HIVEP2: variants seen among roughly 807,000 people sequenced by gnomAD.
The protein encoded by HIVEP2 is HIVEP zinc finger 2.
In HIVEP2, 14 loss-of-function variants were observed where a neutral mutation model predicts 180.7. That is an observed-to-expected ratio of 0.08 (90% CI 0.05 to 0.12). The LOEUF (loss-of-function observed/expected upper bound fraction) is 0.12. Among genes scored for constraint, HIVEP2 ranks in the 10% least tolerant of loss-of-function variants. The pLI is 1.00. For missense variants in HIVEP2, 2,579 were observed against 3,008.5 expected (o/e 0.86, Z 3.34); for synonymous variants, 1,184 against 1,136.4 (o/e 1.04, Z -0.84).
chr6:142,846,159 G>A (rs2114910519), intron 1 of HIVEP2, among the ~76,000 whole-genome samples: 1 of 152,292 alleles, frequency 6.6e-6, no homozygotes, highest in Middle Eastern at 3.4e-3. Context: ...GGAGTGTGTT[G>A]CCTTAGGACA....
chr6:142,916,631 T>C (rs529645882), intron 1 of HIVEP2, among the ~76,000 whole-genome samples: 1 of 152,330 alleles, frequency 6.6e-6, no homozygotes, highest in South Asian at 2.1e-4. Context: ...GAAGCTCTCC[T>C]GTTCTCCTCT....
At position 142,753,762 on chromosome 6, in the gene HIVEP2, A is replaced by G; in HGVS notation, c.6686T>C (p.Val2229Ala). The G allele has an allele frequency of 1.2e-6, 2 of 1,614,162 alleles. No homozygotes were observed. The highest frequency in any genetic ancestry group is 1.7e-6 in the Non-Finnish European group (2 of 1,180,012). ...AACCATCTGGATCCCACCAACGGGC[A>G]CCATGGGGATAGGGGCTCGCACTTG... ...QQQVRAPIPM[V>A]PVGGIQMVHS... is the part of the protein sequence containing the mutation. The change falls in exon 10 of 10, where the codon GTG (valine) becomes GCG (alanine). Residue 2229 changes from valine (V) to alanine (A), a missense_variant. By Grantham distance (64) the Val-to-Ala change is moderately conservative. Around this residue, in one of 11 missense-constraint regions of HIVEP2, gnomAD observed 660 missense variants for 731.7 expected, o/e 0.90. Coordinates refer to ENST00000367603, the MANE Select transcript of HIVEP2 (RefSeq NM_006734.4).
chr6:142,779,213 C>T (rs2114681409), intron 3 of HIVEP2, among the ~76,000 whole-genome samples: 1 of 152,180 alleles, frequency 6.6e-6, no homozygotes, highest in Non-Finnish European at 1.5e-5. Flanking sequence ...AGCCACTGTG[C>T]CCAGCTTGGA....
rs4896607 is a variant in HIVEP2 at position 142,937,741 on chromosome 6, G to T, written c.-641+7358C>A. Among the ~76,000 whole-genome samples, 6 of 152,156 alleles carry T rather than the reference G, an allele frequency of 3.9e-5. No homozygotes were observed. In the East Asian group the frequency reaches 1.2e-3, roughly 29 times the overall value. Reference sequence around the variant, plus strand: ...TTTCGGAGCCAAAGAACCCTGAGTTGGAATCCTGCTTCACCAATGACTAGC... The same window carrying T: ...TTTCGGAGCCAAAGAACCCTGAGTTTGAATCCTGCTTCACCAATGACTAGC... On this transcript the variant is annotated intron_variant, in intron 1 of 9. Transcript: ENST00000367603.
chr6:142,764,759 T>C (rs370467838), intron 7 of HIVEP2, 40 bp downstream of exon 7: 6 of 1,480,392 alleles, frequency 4.1e-6, no homozygotes, highest in Non-Finnish European at 1.9e-6. Context: ...TAAGTAGCCA[T>C]AGAGAAGTAT....
intron 1 of HIVEP2, among the ~76,000 whole-genome samples, chr6:142,855,586 G>C (rs1775799153): frequency 6.6e-6 from 1 of 152,160 alleles, no homozygotes; most frequent in African/African-American, 2.4e-5. Flanking sequence ...CCACGTGGTA[G>C]AAACCAAAAT....
intron 1 of HIVEP2, among the ~76,000 whole-genome samples, chr6:142,895,772 A>G (rs193287339): frequency 6.6e-6 from 1 of 152,340 alleles, no homozygotes; most frequent in Admixed American, 6.5e-5. Context: ...AAACACAACT[A>G]GAGAATAGAG....
intron 1 of HIVEP2, among the ~76,000 whole-genome samples, chr6:142,920,574 T>C (rs563439695): frequency 6.6e-6 from 1 of 152,324 alleles, no homozygotes; most frequent in African/African-American, 2.4e-5. Context: ...AACTGGGTTA[T>C]CACATAGGTA....
intron 2 of HIVEP2, among the ~76,000 whole-genome samples, chr6:142,833,811 A>G (rs1469642205): frequency 6.6e-6 from 1 of 152,226 alleles, no homozygotes. Flanking sequence ...AGGAGGCCAG[A>G]AGAAATGTAG....
intron 2 of HIVEP2, among the ~76,000 whole-genome samples, chr6:142,794,609 T>C (rs959223957): frequency 1.3e-5 from 2 of 152,206 alleles, no homozygotes; most frequent in Non-Finnish European, 1.5e-5. Context: ...GGTCAAATTA[T>C]ATTATCTTTG....
At chr6:142,876,856 T>TCA (rs10548517) in intron 1 of HIVEP2, among the ~76,000 whole-genome samples, 15,161 of 149,610 alleles carry the variant, frequency 0.1, 814 homozygotes, top group East Asian at 0.17. Context: ...AATCCCATCT[T>TCA]CACACACACA....
intron 2 of HIVEP2, among the ~76,000 whole-genome samples, chr6:142,825,496 T>G (rs1335407954): frequency 6.6e-6 from 1 of 152,174 alleles, no homozygotes; most frequent in African/African-American, 2.4e-5. Flanking sequence ...CTCACATTGT[T>G]GCCATGATAT....
At chr6:142,906,290 G>A (rs1412656329) in intron 1 of HIVEP2, among the ~76,000 whole-genome samples, 2 of 151,834 alleles carry the variant, frequency 1.3e-5, no homozygotes, top group South Asian at 2.1e-4. Context: ...ATAACAAAAC[G>A]AGAATTAAAT....
In HIVEP2 at chr6:142,770,074, C is replaced by A; in HGVS notation, c.4665G>T (p.Lys1555Asn). 6.2e-7 allele frequency: 1 copy of A among 1,614,226 alleles called. No homozygotes were observed. The highest frequency in any genetic ancestry group is 8.5e-7 in the Non-Finnish European group (1 of 1,180,036). The change falls in exon 5 of 10, where the codon AAG (lysine) becomes AAT (asparagine). Residue 1555 changes from lysine (K) to asparagine (N), a missense_variant. Coordinates refer to ENST00000367603, the MANE Select transcript of HIVEP2 (RefSeq NM_006734.4). The surrounding 1 kb of genome is among the most constrained non-coding windows in gnomAD (Gnocchi z 4.7). ...SGSRAPLPGQ[K>N]SSGPSESKES... ...CTTTGCTTTCAGAAGGCCCACTGGA[C>A]TTCTGCCCCGGAAGTGGTGCCCGGG...
At chr6:142,875,096 T>C (rs1776397810) in intron 1 of HIVEP2, among the ~76,000 whole-genome samples, 1 of 152,066 alleles carries the variant, frequency 6.6e-6, no homozygotes, top group Admixed American at 6.6e-5. Flanking sequence ...AAAAATGCAA[T>C]AAAAACTGAA....
chr6:142,813,410 T>C (rs1285904249), intron 2 of HIVEP2, among the ~76,000 whole-genome samples: 3 of 152,192 alleles, frequency 2.0e-5, no homozygotes, highest in East Asian at 1.9e-4. Flanking sequence ...TTCACACTTA[T>C]GATTTTATTA....
At chr6:142,824,141 A>G (rs910322572) in intron 2 of HIVEP2, among the ~76,000 whole-genome samples, 3 of 152,170 alleles carry the variant, frequency 2.0e-5, no homozygotes, top group Admixed American at 6.5e-5. Flanking sequence ...TTGACACCTT[A>G]GTATATATAA....
chr6:142,913,308 A>G (rs1405943674), intron 1 of HIVEP2, among the ~76,000 whole-genome samples: 1 of 152,196 alleles, frequency 6.6e-6, no homozygotes, highest in Non-Finnish European at 1.5e-5. Context: ...CCTTCATGCT[A>G]TCATTTGGAT....
chr6:142,756,796 CTTATCTATCTAT>C (rs908920057), intron 9 of HIVEP2, among the ~76,000 whole-genome samples: 1 of 142,276 alleles, frequency 7.0e-6, no homozygotes, highest in Non-Finnish European at 1.5e-5. Flanking sequence ...TAAAAGATAC[CTTATCTATCTAT>C]CTATCTATCT....
Sources: gnomAD v4.1 joint callset for allele counts (sites outside exome capture counted in the v4.1 genomes callset) on GRCh38, gnomAD v4.1.1 for gene constraint, gnomAD v4.1.1 regional missense constraint, Gnocchi (gnomAD v3.1) non-coding constraint, MANE v1.5 for transcripts, NCBI Gene and HGNC (gene_info 2026-07-23, HGNC 2026-07-21) for gene names.